The following SLC39A11 variants were observed in gnomAD, a reference collection of about 807,000 sequenced individuals.
SLC39A11 encodes the protein solute carrier family 39 member 11.
SLC39A11 carries 33 observed loss-of-function variants against 36.1 expected under a neutral mutation model. The observed-to-expected ratio is 0.91, with a 90% confidence interval of 0.69 to 1.22. SLC39A11 has a LOEUF of 1.22. Among genes scored for constraint, SLC39A11 ranks in the 50% most tolerant of loss-of-function variants. The pLI, the probability that SLC39A11 is intolerant of heterozygous loss-of-function variation, is 0.00. For missense variants in SLC39A11, 432 were observed against 430.3 expected, an observed-to-expected ratio of 1.00 and a Z score of -0.03; for synonymous variants, 166 against 170.3, an observed-to-expected ratio of 0.97 and a Z score of 0.20.
At chr17:72,728,291 AG>A (rs2074014898) in intron 7 of SLC39A11, among the ~76,000 whole-genome samples, 1 of 152,226 alleles carries the variant, frequency 6.6e-6, no homozygotes, top group South Asian at 2.1e-4. Context: ...TACAACAATT[AG>A]CTGGGTGTGG....
chr17:72,830,249 T>A (rs959234331), intron 6 of SLC39A11, among the ~76,000 whole-genome samples: 1 of 152,168 alleles, frequency 6.6e-6, no homozygotes, highest in African/African-American at 2.4e-5. Flanking sequence ...CCTCCAATTC[T>A]TCTGTCCACT....
At chr17:72,900,212 A>ATAAG (rs1555622555) in intron 5 of SLC39A11, among the ~76,000 whole-genome samples, 2 of 103,466 alleles carry the variant, frequency 1.9e-5, no homozygotes, top group Non-Finnish European at 4.0e-5. Context: ...AAAGAAAGAA[A>ATAAG]GAAAGAAAGA....
chr17:72,743,724 A>G (rs991061562), intron 6 of SLC39A11, among the ~76,000 whole-genome samples: 4 of 152,188 alleles, frequency 2.6e-5, no homozygotes, highest in African/African-American at 9.6e-5. Context: ...CTGAAGATCA[A>G]CAGACGGTAG....
intron 5 of SLC39A11, among the ~76,000 whole-genome samples, chr17:72,861,437 G>A (rs1029471385): frequency 1.6e-4 from 24 of 151,566 alleles, no homozygotes; most frequent in Admixed American, 3.3e-4. Context: ...CTCTCATGTC[G>A]TTTACTTAGG....
At chr17:72,852,378 T>A (rs1052938352) in intron 5 of SLC39A11, among the ~76,000 whole-genome samples, 3 of 152,032 alleles carry the variant, frequency 2.0e-5, no homozygotes, top group Middle Eastern at 3.4e-3. Flanking sequence ...TCAGTTCCAT[T>A]AGGAAAAGGG....
intron 3 of SLC39A11, among the ~76,000 whole-genome samples, chr17:73,057,846 A>G (rs2059717868): frequency 6.6e-6 from 1 of 152,216 alleles, no homozygotes; most frequent in Non-Finnish European, 1.5e-5. Flanking sequence ...CTGACGCACA[A>G]GAATCGCTTG....
At chr17:72,648,750 G>T in intron 9 of SLC39A11, 53 bp downstream of exon 9, 1 of 1,599,082 alleles carries the variant, frequency 6.3e-7, no homozygotes, top group East Asian at 2.2e-5. Context: ...CCCAAGGCTG[G>T]GGTCCCAGCT....
intron 7 of SLC39A11, among the ~76,000 whole-genome samples, chr17:72,713,300 C>A (rs1264023143): frequency 1.3e-5 from 2 of 152,152 alleles, no homozygotes; most frequent in Non-Finnish European, 2.9e-5. Flanking sequence ...CACAGGTGAG[C>A]AGCAGCATCT....
At chr17:72,837,142 T>G (rs2078587223) in intron 6 of SLC39A11, among the ~76,000 whole-genome samples, 1 of 152,082 alleles carries the variant, frequency 6.6e-6, no homozygotes, top group Admixed American at 6.6e-5. Context: ...ACATCACCAA[T>G]GTCAGCAGCA....
intron 7 of SLC39A11, among the ~76,000 whole-genome samples, chr17:72,719,021 C>A (rs1467107981): frequency 6.6e-6 from 1 of 151,756 alleles, no homozygotes; most frequent in East Asian, 2.0e-4. Flanking sequence ...GGCAGATCAC[C>A]TGAGCTTAAG....
intron 4 of SLC39A11, among the ~76,000 whole-genome samples, chr17:73,014,638 C>T (rs73350914): frequency 0.011 from 1,738 of 152,342 alleles, 38 homozygotes; most frequent in East Asian, 0.032. Context: ...ACTTGGGTGA[C>T]AGAGCGAAAC....
chr17:73,057,907 A>G (rs1011173525), intron 3 of SLC39A11, among the ~76,000 whole-genome samples: 6 of 152,206 alleles, frequency 3.9e-5, no homozygotes, highest in Non-Finnish European at 5.9e-5. Context: ...ACTGCACTCC[A>G]GCCTGGGGGA....
chr17:72,830,562 T>C (rs2078236694), intron 6 of SLC39A11, among the ~76,000 whole-genome samples: 1 of 152,194 alleles, frequency 6.6e-6, no homozygotes, highest in Non-Finnish European at 1.5e-5. Context: ...CTTGGTTTCC[T>C]TTACAACCTT....
intron 3 of SLC39A11, among the ~76,000 whole-genome samples, chr17:73,057,725 G>A (rs1257101228): frequency 6.6e-6 from 1 of 152,172 alleles, no homozygotes; most frequent in Admixed American, 6.5e-5. Context: ...ATCACTTGAG[G>A]TCAGGAGTAC....
intron 4 of SLC39A11, among the ~76,000 whole-genome samples, chr17:73,002,878 C>T (rs2089900016): frequency 6.6e-6 from 1 of 152,176 alleles, no homozygotes; most frequent in Admixed American, 6.5e-5. Flanking sequence ...CCAATTCAGC[C>T]TCTATGGTCA....
intron 6 of SLC39A11, among the ~76,000 whole-genome samples, chr17:72,820,876 C>T (rs2077749984): frequency 6.6e-6 from 1 of 151,104 alleles, no homozygotes; most frequent in African/African-American, 2.4e-5. Context: ...AGCACAGGGT[C>T]CCCCCAGCAC....
At chr17:72,920,994 C>A (rs996541790) in intron 5 of SLC39A11, among the ~76,000 whole-genome samples, 2 of 152,188 alleles carry the variant, frequency 1.3e-5, no homozygotes, top group Non-Finnish European at 2.9e-5. Context: ...GTCTCCTCCA[C>A]TGGAATGTCG....
At chr17:72,786,069 G>A (rs2076503586) in intron 6 of SLC39A11, among the ~76,000 whole-genome samples, 1 of 152,192 alleles carries the variant, frequency 6.6e-6, no homozygotes, top group Admixed American at 6.5e-5. Flanking sequence ...AACCGACAGG[G>A]AGGCTAGTGA....
Position 72,680,495 on chromosome 17 carries a change from T to A in SLC39A11, c.672-31227A>T, listed in dbSNP as rs1210746843. ...TAAGTCTCATGAGATCTGATGGTTTTATAAAGGGCAGTTTCCCCACACACA... is the reference window on the plus strand; with the variant it reads ...TAAGTCTCATGAGATCTGATGGTTTAATAAAGGGCAGTTTCCCCACACACA... On this transcript the variant is annotated intron_variant, in intron 7 of 9. Coordinates refer to ENST00000255559, the MANE Select transcript of SLC39A11 (RefSeq NM_139177.4). Among the ~76,000 whole-genome samples the A allele has an allele frequency of 1.3e-5, 2 of 152,222 alleles. 1 individual carries two copies. Among genetic ancestry groups the A allele is most frequent in the East Asian group, 3.8e-4 (2 of 5,198 alleles).
Sources: allele counts gnomAD v4.1 joint callset (sites outside exome capture counted in the v4.1 genomes callset), GRCh38; gene constraint gnomAD v4.1.1; transcripts MANE v1.5; gene names NCBI Gene and HGNC (gene_info 2026-07-23, HGNC 2026-07-21).